Variants in ZC2HC1B observed in about 807,000 individuals in gnomAD.
The protein encoded by ZC2HC1B is zinc finger C2HC domain-containing protein 1B.
Under a neutral mutation model 31.0 loss-of-function variants are expected in ZC2HC1B, and 36 were observed. The ratio of observed to expected loss-of-function variants is 1.16; its 90% confidence interval spans 0.89 to 1.54. The LOEUF is 1.54. ZC2HC1B is among the 40% of genes most tolerant of loss of function. ZC2HC1B has a pLI of 0.00. For missense variants in ZC2HC1B, 260 were observed against 268.6 expected (o/e 0.97, Z 0.22); for synonymous variants, 73 against 88.0 (o/e 0.83, Z 0.95).
chr6:143,931,400 T>C (rs546155748), intron 6 of ZC2HC1B, among the ~76,000 whole-genome samples: 1 of 152,324 alleles, frequency 6.6e-6, no homozygotes, highest in African/African-American at 2.4e-5. Context: ...GTTTTGCTTT[T>C]TTCATTTCAT....
In ZC2HC1B at chr6:143,886,172, A is replaced by G; in HGVS notation, c.210+21A>G. 2 of 1,506,334 alleles carry G rather than the reference A, an allele frequency of 1.3e-6. No homozygotes were observed. Among genetic ancestry groups the G allele is most frequent in the South Asian group, 2.7e-5 (2 of 75,232 alleles). The allele number at this position is 1,506,334 out of a possible 1,614,324, so 93.3% of individuals were successfully genotyped here. On this transcript the variant is annotated intron_variant, in intron 3 of 7. Transcript: ENST00000237275. This position sits in a 1 kb window ranked among gnomAD's most constrained non-coding sequence, Gnocchi z 4.2. ...CCAAGGTACTCCTGATATCTTCTTT[A>G]GTGTTTGTTATTACATTCTGCGGTA...
chr6:143,937,798 GA>G, intron 7 of ZC2HC1B, 65 bp downstream of exon 7: 2 of 1,240,940 alleles, frequency 1.6e-6, no homozygotes, highest in Non-Finnish European at 2.2e-6. Flanking sequence ...TAAGAGAATG[GA>G]TGCATAGTAA....
At chr6:143,882,334 T>TTTA (rs1554237237) in intron 1 of ZC2HC1B, among the ~76,000 whole-genome samples, 4,904 of 85,510 alleles carry the variant, frequency 0.057, 147 homozygotes, top group South Asian at 0.082. Context: ...TTTATATTTT[T>TTTA]TATATATATA....
rs777936696 is a variant in ZC2HC1B at position 143,911,984 on chromosome 6, T to A, written c.598+8832T>A. 2.0e-5 allele frequency among the ~76,000 whole-genome samples: 3 copies of A among 152,144 alleles called. No homozygotes were observed. Among genetic ancestry groups the A allele is most frequent in the Non-Finnish European group, 4.4e-5 (3 of 68,028 alleles). On this transcript the variant is annotated intron_variant, in intron 6 of 7. Coordinates refer to ENST00000237275, the MANE Select transcript of ZC2HC1B (RefSeq NM_001013623.3). The surrounding 1 kb of genome is among the most constrained non-coding windows in gnomAD (Gnocchi z 4.5). Reference sequence around the variant, plus strand: ...CTTTTTTTTCATTCTTTTTTCTCTATTTTTGTCAGCCTGTCTTATTTCAGA... The same window carrying A: ...CTTTTTTTTCATTCTTTTTTCTCTAATTTTGTCAGCCTGTCTTATTTCAGA...
chr6:143,907,559 T>C (rs572085197), intron 6 of ZC2HC1B, among the ~76,000 whole-genome samples: 1 of 152,398 alleles, frequency 6.6e-6, no homozygotes, highest in Non-Finnish European at 1.5e-5. Flanking sequence ...CATATGTTTG[T>C]TGGCTGCATG....
chr6:143,930,110 T>C (rs1472865259), intron 6 of ZC2HC1B, among the ~76,000 whole-genome samples: 1 of 152,080 alleles, frequency 6.6e-6, no homozygotes, highest in Non-Finnish European at 1.5e-5. Context: ...CTCTGAGCTT[T>C]GTCATTTCTT....
chr6:143,934,196 G>T lies in ZC2HC1B; in HGVS notation c.599-3453G>T, dbSNP rs897050077. 6.6e-6 allele frequency among the ~76,000 whole-genome samples: 1 copy of T among 152,206 alleles called. No individual in the cohort carries two copies. On this transcript the variant is annotated intron_variant, in intron 6 of 7. Coordinates refer to ENST00000237275, the MANE Select transcript of ZC2HC1B (RefSeq NM_001013623.3). The surrounding 1 kb of genome is among the most constrained non-coding windows in gnomAD (Gnocchi z 4.6). ...CCCCTCTCAGACTTTGGGAACTTAC[G>T]AATTTTCACCTGTCTTGCAGAATTT... is the stretch of plus-strand genomic sequence containing the variant.
chr6:143,888,076 A>G (rs924567533), intron 4 of ZC2HC1B, among the ~76,000 whole-genome samples: 2 of 151,958 alleles, frequency 1.3e-5, no homozygotes, highest in Admixed American at 1.3e-4. Flanking sequence ...TTTTAAGTCG[A>G]TTTTTGTGTG....
intron 4 of ZC2HC1B, among the ~76,000 whole-genome samples, chr6:143,889,103 CAT>C (rs1777566427): frequency 6.6e-6 from 1 of 151,894 alleles, no homozygotes; most frequent in South Asian, 2.1e-4. Flanking sequence ...GGAAAATGGA[CAT>C]ATATTGTAAG....
At chr6:143,880,839 T>G (rs1252916052) in intron 1 of ZC2HC1B, among the ~76,000 whole-genome samples, 1 of 152,226 alleles carries the variant, frequency 6.6e-6, no homozygotes, top group African/African-American at 2.4e-5. Flanking sequence ...GTAATTATAG[T>G]TTTACAAAAT....
In ZC2HC1B at chr6:143,869,673, T is replaced by A. The variant is rs778121996; in HGVS notation, c.28+5106T>A. 1.1e-4 allele frequency among the ~76,000 whole-genome samples: 16 copies of A among 152,188 alleles called. No homozygotes were observed. Among genetic ancestry groups the A allele is most frequent in the Non-Finnish European group, 1.9e-4 (13 of 68,034 alleles). Reference sequence around the variant, plus strand: ...TTTCCATGATGGAAGAGGTTCAATGTAATCAACCTGCCAGCAGGTAGCTGG... The same window carrying A: ...TTTCCATGATGGAAGAGGTTCAATGAAATCAACCTGCCAGCAGGTAGCTGG... On this transcript the variant is annotated intron_variant, in intron 1 of 7. Coordinates refer to ENST00000237275, the MANE Select transcript of ZC2HC1B (RefSeq NM_001013623.3). This position sits in a 1 kb window ranked among gnomAD's most constrained non-coding sequence, Gnocchi z 5.2.
At chr6:143,928,945 G>A (rs892370387) in intron 6 of ZC2HC1B, among the ~76,000 whole-genome samples, 1 of 151,348 alleles carries the variant, frequency 6.6e-6, no homozygotes, top group Non-Finnish European at 1.5e-5. Context: ...TTTGTATCCT[G>A]GAACTTTACT....
chr6:143,916,883 G>A (rs1345909529), intron 6 of ZC2HC1B, among the ~76,000 whole-genome samples: 2 of 152,194 alleles, frequency 1.3e-5, no homozygotes, highest in Admixed American at 1.3e-4. Context: ...TCTCAGATGA[G>A]ACTTTGGATT....
chr6:143,904,438 T>C (rs1009610836), intron 6 of ZC2HC1B, among the ~76,000 whole-genome samples: 16 of 152,200 alleles, frequency 1.1e-4, no homozygotes, highest in African/African-American at 3.9e-4. Context: ...CATAGCTCAC[T>C]GCAGCTTCAA....
intron 1 of ZC2HC1B, among the ~76,000 whole-genome samples, chr6:143,879,796 T>A (rs906644287): frequency 6.6e-6 from 1 of 151,080 alleles, no homozygotes; most frequent in Non-Finnish European, 1.5e-5. Context: ...TTTTTGTTTT[T>A]TTTTTTTTCC....
chr6:143,902,666 A>C (rs563798644), intron 5 of ZC2HC1B, among the ~76,000 whole-genome samples: 1 of 152,346 alleles, frequency 6.6e-6, no homozygotes, highest in East Asian at 1.9e-4. Context: ...TTCATGTTAA[A>C]AAAAACAAAA....
rs1778141644 is a variant in ZC2HC1B at position 143,933,163 on chromosome 6, A to G, written c.599-4486A>G. 6.6e-6 allele frequency among the ~76,000 whole-genome samples: 1 copy of G among 152,202 alleles called. No homozygotes were observed. Among genetic ancestry groups the G allele is most frequent in the Non-Finnish European group, 1.5e-5 (1 of 68,030 alleles). ...TTGTCATGTGGACAGACTCGGGACC[A>G]CTGGTTAGCCAGGATGTTTCAGGCA... is the stretch of plus-strand genomic sequence containing the variant. On this transcript the variant is annotated intron_variant, in intron 6 of 7. Coordinates refer to ENST00000237275, the MANE Select transcript of ZC2HC1B (RefSeq NM_001013623.3). The surrounding 1 kb of genome is among the most constrained non-coding windows in gnomAD (Gnocchi z 6.4).
In ZC2HC1B at chr6:143,871,629, G is replaced by T. The variant is rs1298693239; in HGVS notation, c.28+7062G>T. On this transcript the variant is annotated intron_variant, in intron 1 of 7. Transcript: ENST00000237275. This position sits in a 1 kb window ranked among gnomAD's most constrained non-coding sequence, Gnocchi z 4.1. Reference sequence around the variant, plus strand: ...CAGGCCAAATGGGAGAGTTGAACAGGGATGTGGTAGGAATCACCACCCTGA... The same window carrying T: ...CAGGCCAAATGGGAGAGTTGAACAGTGATGTGGTAGGAATCACCACCCTGA... Among the ~76,000 whole-genome samples the T allele has an allele frequency of 6.6e-6, 1 of 152,142 alleles. No homozygotes were observed. Among genetic ancestry groups the T allele is most frequent in the East Asian group, 1.9e-4 (1 of 5,194 alleles).
intron 6 of ZC2HC1B, among the ~76,000 whole-genome samples, chr6:143,910,207 T>C (rs1455520489): frequency 6.6e-6 from 1 of 152,330 alleles, no homozygotes; most frequent in South Asian, 2.1e-4. Context: ...TCAGTTTCCA[T>C]GTAGTGATGT....
Sources: allele counts gnomAD v4.1 joint callset (sites outside exome capture counted in the v4.1 genomes callset), GRCh38; gene constraint gnomAD v4.1.1; non-coding constraint Gnocchi (gnomAD v3.1); transcripts MANE v1.5; gene names NCBI Gene and HGNC (gene_info 2026-07-23, HGNC 2026-07-21).